SLC22A16: variants seen among roughly 807,000 people sequenced by gnomAD.
SLC22A16 encodes solute carrier family 22 member 16.
A neutral mutation model predicts 52.9 loss-of-function variants in SLC22A16; 53 were observed. The observed-to-expected ratio is 1.00, with a 90% CI of 0.80 to 1.26. The LOEUF (loss-of-function observed/expected upper bound fraction) is 1.26. Among genes scored for constraint, SLC22A16 ranks in the 50% most tolerant of loss-of-function variants. The pLI is 0.00. For synonymous variants in SLC22A16, 291 were observed against 268.8 expected (o/e 1.08, Z -0.81); for missense variants, 726 against 704.0 (o/e 1.03, Z -0.35).
intron 1 of SLC22A16, chr6:110,475,970 T>A (rs533807891): frequency 1.8e-5 from 8 of 456,216 alleles, no homozygotes; most frequent in Non-Finnish European, 3.1e-5. Flanking sequence ...GAACATCAAA[T>A]GAAGAACTAT....
chr6:110,458,174 G>A (rs10457212), intron 1 of SLC22A16, among the ~76,000 whole-genome samples: 11,075 of 151,968 alleles, frequency 0.073, 691 homozygotes, highest in African/African-American at 0.17. Flanking sequence ...TCCCCGCCTC[G>A]GTTGCCAAAC....
rs1554229887 is a variant in SLC22A16 at position 110,476,507 on chromosome 6, G to GCCCCCCCCCCCCCCCCCCC, written c.53+14_53+15insGGGGGGGGGGGGGGGGGGG. On this transcript the variant is annotated intron_variant, in intron 1 of 7. Transcript: ENST00000368919. Reference sequence around the variant, plus strand: ...GCCGCCTCCCGCGTGGCGCCGCGGGGCCCCTCCCCCATACCTGCCGAAGTG... The same window carrying GCCCCCCCCCCCCCCCCCCC: ...GCCGCCTCCCGCGTGGCGCCGCGGGGCCCCCCCCCCCCCCCCCCCCCCCTCCCCCATACCTGCCGAAGTG... 9.3e-7 allele frequency: 1 copy of GCCCCCCCCCCCCCCCCCCC among 1,072,998 alleles called. No homozygotes were observed. The highest frequency in any genetic ancestry group is 2.8e-5 in the African/African-American group (1 of 35,466). 66.5% of individuals were successfully genotyped at this position (1,072,998 alleles called of 1,614,324 possible).
At chr6:110,450,758 T>C (rs1189806154) in intron 2 of SLC22A16, among the ~76,000 whole-genome samples, 2 of 152,076 alleles carry the variant, frequency 1.3e-5, no homozygotes, top group Middle Eastern at 6.4e-3. Flanking sequence ...TATACATATA[T>C]AACCATGCAT....
In SLC22A16 at chr6:110,448,457, A is replaced by G. The variant is rs545298067; in HGVS notation, c.534-1467T>C. Among the ~76,000 whole-genome samples the G allele has an allele frequency of 4.6e-5, 7 of 152,336 alleles. No individual in the cohort carries two copies. The South Asian group carries it at 1.4e-3, about 32-fold the overall frequency. ...TTCCTATGGGTTGTCTCTGACAAAT[A>G]GTTTAAGGCAAAAGAATATTGTCTG... On this transcript the variant is annotated intron_variant, in intron 2 of 7. Transcript: ENST00000368919.
chr6:110,434,912 A>T (rs973170461), intron 6 of SLC22A16, among the ~76,000 whole-genome samples: 1 of 152,152 alleles, frequency 6.6e-6, no homozygotes, highest in Admixed American at 6.5e-5. Flanking sequence ...CAGGAGGCGG[A>T]GCTTGCAGTG....
At chr6:110,427,603 G>T (rs952724275) in intron 7 of SLC22A16, among the ~76,000 whole-genome samples, 1 of 152,082 alleles carries the variant, frequency 6.6e-6, no homozygotes, top group Non-Finnish European at 1.5e-5. Flanking sequence ...GGGTTCAAGC[G>T]ATTCTCCTGC....
rs1347536683 is a variant in SLC22A16 at position 110,454,614 on chromosome 6, T to A, written c.533+1924A>T. 4.0e-3 allele frequency among the ~76,000 whole-genome samples: 316 copies of A among 79,520 alleles called. 4 individuals are homozygous for A. The highest frequency in any genetic ancestry group is 0.02 in the African/African-American group (302 of 14,962). 52.2% of individuals were successfully genotyped at this position (79,520 alleles called of 152,430 possible). On this transcript the variant is annotated intron_variant, in intron 2 of 7. Coordinates refer to ENST00000368919, the MANE Select transcript of SLC22A16 (RefSeq NM_033125.4). ...ATATATTTATATATATTATATATTT[T>A]ATATATAATATATATTTATATATAT...
At chr6:110,427,936 C>G (rs1774334419) in intron 7 of SLC22A16, among the ~76,000 whole-genome samples, 1 of 152,194 alleles carries the variant, frequency 6.6e-6, no homozygotes, top group Admixed American at 6.5e-5. Flanking sequence ...CTGTACATCT[C>G]TCAAGACAGG....
chr6:110,441,953 G>A (rs572722571), intron 4 of SLC22A16, among the ~76,000 whole-genome samples: 8 of 152,270 alleles, frequency 5.3e-5, no homozygotes, highest in South Asian at 2.1e-4. Context: ...GGCTGATGTC[G>A]TACAAAAGTG....
intron 2 of SLC22A16, among the ~76,000 whole-genome samples, chr6:110,448,856 C>T (rs1775271825): frequency 6.6e-6 from 1 of 152,186 alleles, no homozygotes. Context: ...CCTTTCTCTC[C>T]AAATATCATT....
chr6:110,440,072 C>A (rs1459122039), intron 4 of SLC22A16: 1 of 152,160 alleles, frequency 6.6e-6, no homozygotes, highest in African/African-American at 2.4e-5. Context: ...AGAAACAGAT[C>A]TGATCAGCAC....
chr6:110,464,230 G>T (rs1327675978), intron 1 of SLC22A16, among the ~76,000 whole-genome samples: 1 of 151,694 alleles, frequency 6.6e-6, no homozygotes, highest in Non-Finnish European at 1.5e-5. Context: ...CACACCTCAA[G>T]GAACTAGAAA....
chr6:110,465,344 G>T (rs1776025953), intron 1 of SLC22A16, among the ~76,000 whole-genome samples: 1 of 151,970 alleles, frequency 6.6e-6, no homozygotes, highest in Non-Finnish European at 1.5e-5. Flanking sequence ...CTGAAAAAAA[G>T]AGTGAAATTA....
intron 2 of SLC22A16, 152 bp from the exon 3 acceptor site, chr6:110,447,142 A>C (rs1775208980): frequency 1.5e-6 from 1 of 657,484 alleles, no homozygotes; most frequent in Non-Finnish European, 2.5e-6. Context: ...AGCAAACCAT[A>C]AGTTCCATGG....
intron 4 of SLC22A16, 58 bp downstream of exon 4, chr6:110,442,186 A>C: frequency 1.3e-6 from 2 of 1,522,354 alleles, no homozygotes; most frequent in African/African-American, 1.4e-5. Context: ...AGACACACAC[A>C]CACAAATGGT....
intron 7 of SLC22A16, chr6:110,425,366 A>T: frequency 7.3e-7 from 1 of 1,369,178 alleles, no homozygotes; most frequent in South Asian, 1.2e-5. Flanking sequence ...TTACTCCTGA[A>T]GGTGCTGTCC....
At chr6:110,443,760 A>G (rs548163329) in intron 3 of SLC22A16, among the ~76,000 whole-genome samples, 5 of 152,356 alleles carry the variant, frequency 3.3e-5, no homozygotes, top group African/African-American at 9.6e-5. Flanking sequence ...CAACAGCTAA[A>G]GCATGGAAGC....
intron 7 of SLC22A16, 127 bp downstream of exon 7, chr6:110,431,041 GGTT>G: frequency 1.4e-6 from 1 of 726,906 alleles, no homozygotes; most frequent in Non-Finnish European, 2.3e-6. Context: ...TTGGTAATGG[GGTT>G]GTTTCTACAA....
At position 110,456,485 on chromosome 6, in the gene SLC22A16, G is replaced by T. The variant is rs960208165; in HGVS notation, c.533+53C>A. On this transcript the variant is annotated intron_variant, in intron 2 of 7. Transcript: ENST00000368919. ...AATTCCTTGTGTCCCAAGAAAACCA[G>T]ATAGGAAAATAAACCCTACACTGAT... is the stretch of plus-strand genomic sequence containing the variant. 1.9e-6 allele frequency: 3 copies of T among 1,565,904 alleles called. No individual in the cohort carries two copies. In the African/African-American group the frequency reaches 4.1e-5, roughly 21 times the overall value.
Sources: allele counts gnomAD v4.1 joint callset (sites outside exome capture counted in the v4.1 genomes callset), GRCh38; gene constraint gnomAD v4.1.1; transcripts MANE v1.5; gene names NCBI Gene and HGNC (gene_info 2026-07-23, HGNC 2026-07-21).